The following MDGA2 variants were observed in gnomAD, a reference collection of about 807,000 sequenced individuals.
MDGA2 encodes MAM domain containing glycosylphosphatidylinositol anchor 2.
A neutral mutation model predicts 117.8 loss-of-function variants in MDGA2; 40 were observed. The ratio of observed to expected loss-of-function variants is 0.34; its 90% CI spans 0.26 to 0.44. MDGA2 has a LOEUF of 0.44. Among genes scored for constraint, MDGA2 ranks in the 20% least tolerant of loss-of-function variants. The pLI, the probability that MDGA2 is intolerant of heterozygous loss-of-function variation, is 1.00. For missense variants in MDGA2, 1,123 were observed against 1,250.6 expected, an observed-to-expected ratio of 0.90 and a Z score of 1.54; for synonymous variants, 452 against 439.0, an observed-to-expected ratio of 1.03 and a Z score of -0.37.
At chr14:46,949,335 T>C (rs1435617955) in intron 9 of MDGA2, among the ~76,000 whole-genome samples, 4 of 152,032 alleles carry the variant, frequency 2.6e-5, no homozygotes, top group African/African-American at 4.8e-5. Context: ...ATGCTGTAAT[T>C]TGATACTGTG....
intron 1 of MDGA2, among the ~76,000 whole-genome samples, chr14:47,544,717 G>A (rs1178332102): frequency 6.6e-6 from 1 of 152,094 alleles, no homozygotes; most frequent in East Asian, 1.9e-4. Flanking sequence ...CAAGAGGTGA[G>A]GTTAATTAGC....
intron 1 of MDGA2, among the ~76,000 whole-genome samples, chr14:47,336,396 A>T (rs1334816426): frequency 1.3e-5 from 2 of 151,946 alleles, no homozygotes. Context: ...AAAGAAATGG[A>T]GACTGGCATT....
Position 47,017,412 on chromosome 14 carries a change from T to C in MDGA2, c.1819+17599A>G, listed in dbSNP as rs1888123116. Among the ~76,000 whole-genome samples the C allele has an allele frequency of 1.3e-5, 2 of 151,702 alleles. 1 individual carries two copies. Among genetic ancestry groups the C allele is most frequent in the African/African-American group, 4.8e-5 (2 of 41,328 alleles). On this transcript the variant is annotated intron_variant, in intron 8 of 16. Transcript: ENST00000399232. ...ATATTTAAACTGAGTAGGAAATACA[T>C]ACAATAAGAAATAAAATACATTCCA...
chr14:47,537,846 T>C (rs1895255931), intron 1 of MDGA2, among the ~76,000 whole-genome samples: 2 of 152,256 alleles, frequency 1.3e-5, no homozygotes, highest in Non-Finnish European at 2.9e-5. Context: ...ACATATTCCT[T>C]ATGAATTAAA....
At chr14:47,128,866 T>C (rs1017965750) in intron 5 of MDGA2, among the ~76,000 whole-genome samples, 1 of 151,992 alleles carries the variant, frequency 6.6e-6, no homozygotes, top group Non-Finnish European at 1.5e-5. Flanking sequence ...GGCTAATGTT[T>C]TGTATTTTGA....
intron 3 of MDGA2, among the ~76,000 whole-genome samples, chr14:47,170,935 G>A (rs912578719): frequency 2.0e-5 from 3 of 152,002 alleles, no homozygotes; most frequent in East Asian, 3.9e-4. Flanking sequence ...TAAATGTTTC[G>A]CTTTGTGGTT....
intron 5 of MDGA2, among the ~76,000 whole-genome samples, chr14:47,103,935 G>A (rs918258508): frequency 2.0e-5 from 3 of 151,938 alleles, no homozygotes; most frequent in East Asian, 1.9e-4. Context: ...ATATATCAGC[G>A]AACAAAAGAG....
Position 47,675,226 on chromosome 14 carries a change from G to A in MDGA2, c.-430C>T, listed in dbSNP as rs1714741460. On this transcript the variant is annotated 5_prime_UTR_variant, in exon 1 of 17. The change creates a premature stop within an existing upstream ORF in the 5' untranslated region. Coordinates refer to ENST00000399232, the MANE Select transcript of MDGA2 (RefSeq NM_001113498.3). ...CCCGCAGTCCGAAGCCCCCAGCCCT[G>A]CTGTCTTGCCTTCCCCCATTCCATC... Among the ~76,000 whole-genome samples the A allele has an allele frequency of 6.6e-6, 1 of 152,142 alleles. No homozygotes were observed.
chr14:47,434,850 T>A (rs1189048182), intron 1 of MDGA2, among the ~76,000 whole-genome samples: 2 of 152,102 alleles, frequency 1.3e-5, no homozygotes, highest in Non-Finnish European at 1.5e-5. Flanking sequence ...AAAACCAACA[T>A]TGAGGCTGGG....
chr14:47,241,682 C>T lies in MDGA2; in HGVS notation c.421-23487G>A, dbSNP rs1887046473. On this transcript the variant is annotated intron_variant, in intron 2 of 16. Coordinates refer to ENST00000399232, the MANE Select transcript of MDGA2 (RefSeq NM_001113498.3). ...ATGTTGTCCCAAACACTTTCATCTC[C>T]CAACTCTTTTCCTCTGACTGTCCTG... Among the ~76,000 whole-genome samples, 2 of 151,678 alleles carry T rather than the reference C, an allele frequency of 1.3e-5. 1 individual carries two copies. The highest frequency in any genetic ancestry group is 3.0e-5 in the Non-Finnish European group (2 of 67,784).
intron 1 of MDGA2, among the ~76,000 whole-genome samples, chr14:47,435,004 T>C (rs1260738089): frequency 6.6e-6 from 1 of 151,924 alleles, no homozygotes. Flanking sequence ...GGTGTGGTAG[T>C]GCATGCCTGT....
chr14:46,917,970 T>C (rs1243946299), intron 10 of MDGA2, among the ~76,000 whole-genome samples: 1 of 152,154 alleles, frequency 6.6e-6, no homozygotes, highest in Non-Finnish European at 1.5e-5. Flanking sequence ...GGATTTTGAT[T>C]TGCATCCACA....
rs1370642568 is a variant in MDGA2, at chr14:47,246,979, T to C, written c.421-28784A>G. Among the ~76,000 whole-genome samples the C allele has an allele frequency of 2.0e-5, 3 of 151,954 alleles. No individual in the cohort carries two copies. The South Asian group carries it at 6.2e-4, about 32-fold the overall frequency. ...GCCAAAGCAAGAAGTTACTGCTATA[T>C]TGTGCGATCCTCAGTTATCAAATGG... On this transcript the variant is annotated intron_variant, in intron 2 of 16. Transcript: ENST00000399232.
chr14:47,491,545 C>A (rs915203156), intron 1 of MDGA2, among the ~76,000 whole-genome samples: 4 of 152,084 alleles, frequency 2.6e-5, no homozygotes, highest in Admixed American at 1.3e-4. Flanking sequence ...AAGACTTACT[C>A]CTTAGCCAAA....
At chr14:47,595,670 A>C (rs941187577) in intron 1 of MDGA2, among the ~76,000 whole-genome samples, 1 of 152,094 alleles carries the variant, frequency 6.6e-6, no homozygotes, top group Non-Finnish European at 1.5e-5. Context: ...GAGAGGCATG[A>C]ATTATATTCT....
intron 6 of MDGA2, among the ~76,000 whole-genome samples, chr14:47,079,728 T>TTTTTTTTTC (rs1491527481): frequency 1.1e-4 from 2 of 18,202 alleles, no homozygotes; most frequent in Non-Finnish European, 2.0e-4. Flanking sequence ...TTTCTACTAA[T>TTTTTTTTTC]TTTTTTTTTT....
rs1284345619 is a variant in MDGA2 at position 47,297,330 on chromosome 14, C to T, written c.420+4081G>A. Among the ~76,000 whole-genome samples the T allele has an allele frequency of 2.7e-5, 4 of 150,718 alleles. No individual in the cohort carries two copies. The South Asian group carries it at 8.4e-4, about 32-fold the overall frequency. ...ATGTTAAATATCCTACTGTTTAAGT[C>T]ATTTACAAGAAGACTATATTTATAA... On this transcript the variant is annotated intron_variant, in intron 2 of 16. Transcript: ENST00000399232.
At chr14:47,047,838 T>G (rs1398438682) in intron 7 of MDGA2, among the ~76,000 whole-genome samples, 1 of 151,870 alleles carries the variant, frequency 6.6e-6, no homozygotes, top group African/African-American at 2.4e-5. Flanking sequence ...TATACCTATA[T>G]AAATAAATTT....
intron 8 of MDGA2, among the ~76,000 whole-genome samples, chr14:47,012,157 T>C (rs758541765): frequency 6.6e-6 from 1 of 152,060 alleles, no homozygotes; most frequent in Non-Finnish European, 1.5e-5. Flanking sequence ...AAATCAAAGA[T>C]TGGTATAAAG....
Sources: gnomAD v4.1 joint callset for allele counts (sites outside exome capture counted in the v4.1 genomes callset) on GRCh38, gnomAD v4.1.1 for gene constraint, MANE v1.5 for transcripts, NCBI Gene and HGNC (gene_info 2026-07-23, HGNC 2026-07-21) for gene names.